SKOR2: variants seen among roughly 807,000 people sequenced by gnomAD.
The protein encoded by SKOR2 is SKI family transcriptional corepressor 2, also known as LBX1 corepressor 1-like protein.
A neutral mutation model predicts 69.1 loss-of-function variants in SKOR2; 47 were observed. The ratio of observed to expected loss-of-function variants is 0.68; its 90% CI spans 0.54 to 0.87. The LOEUF is 0.87. SKOR2 is among the 40% of genes least tolerant of loss of function. SKOR2 has a pLI of 0.00. For missense variants in SKOR2, 1,404 were observed against 1,472.2 expected (o/e 0.95, Z 0.76); for synonymous variants, 717 against 672.6 (o/e 1.07, Z -1.02).
Position 47,248,235 on chromosome 18 carries a change from A to AGTCGTCGTC in SKOR2, c.940_948dup (p.Asp314_Asp316dup), listed in dbSNP as rs1042316344. The AGTCGTCGTC allele has an allele frequency of 8.2e-7, 1 of 1,225,676 alleles. No homozygotes were observed. The highest frequency in any genetic ancestry group is 4.4e-5 in the Admixed American group (1 of 22,980). The allele number at this position is 1,225,676 out of a possible 1,614,324, so 75.9% of individuals were successfully genotyped here. On this transcript the variant is annotated inframe_insertion, in exon 2 of 9. Coordinates refer to ENST00000425639, the MANE Select transcript of SKOR2 (RefSeq NM_001278063.4). The surrounding 1 kb of genome is among the most constrained non-coding windows in gnomAD (Gnocchi z 6.4). ...GCCACTACGGCGGCCTCCTGCAAGGAGTCGTCGTCGTCGTCGAAGCGCGGC... is the reference window on the plus strand; with the variant it reads ...GCCACTACGGCGGCCTCCTGCAAGGAGTCGTCGTCGTCGTCGTCGTCGTCGAAGCGCGGC...
chr18:47,224,591 G>C (rs750755308), intron 6 of SKOR2, among the ~76,000 whole-genome samples: 4 of 150,694 alleles, frequency 2.7e-5, no homozygotes, highest in Non-Finnish European at 1.5e-5. Context: ...TCTTCATTTT[G>C]TTATCTCTAT....
At chr18:47,217,051 AT>A (rs768106147) in intron 7 of SKOR2, among the ~76,000 whole-genome samples, 2 of 152,198 alleles carry the variant, frequency 1.3e-5, no homozygotes, top group Non-Finnish European at 2.9e-5. Context: ...TGAATAAGGA[AT>A]TAGACACATT....
intron 4 of SKOR2, among the ~76,000 whole-genome samples, chr18:47,244,679 T>C (rs2064263344): frequency 2.6e-5 from 4 of 152,234 alleles, no homozygotes; most frequent in South Asian, 2.1e-4. Context: ...GCCTGTTTCA[T>C]TGTGTAACCT....
At position 47,247,426 on chromosome 18, in the gene SKOR2, C is replaced by T. The variant is rs1268938957; in HGVS notation, c.1758G>A (p.Gly586=). The change falls in exon 2 of 9, where the codon GGG becomes GGA. Residue 586 remains glycine (G), a synonymous_variant. Transcript: ENST00000425639. This position sits in a 1 kb window ranked among gnomAD's most constrained non-coding sequence, Gnocchi z 6.6. ...PADSVAAAGA[G]AAAAGSGPAG... ...CGGGGCCAGACCCGGCGGCCGCGGCCCCTGCCCCGGCAGCTGCCACAGAGT... is the reference window on the plus strand; with the variant it reads ...CGGGGCCAGACCCGGCGGCCGCGGCTCCTGCCCCGGCAGCTGCCACAGAGT... 1 of 1,287,394 alleles carries T rather than the reference C, an allele frequency of 7.8e-7. No individual in the cohort carries two copies. Among genetic ancestry groups the T allele is most frequent in the East Asian group, 3.2e-5 (1 of 31,474 alleles). The allele number at this position is 1,287,394 out of a possible 1,614,324, so 79.7% of individuals were successfully genotyped here.
At position 47,248,518 on chromosome 18, in the gene SKOR2, G is replaced by C; in HGVS notation, c.666C>G (p.Asp222Glu). The change falls in exon 2 of 9, where the codon GAC becomes GAG. Residue 222 changes from aspartate to glutamate, a missense_variant. This residue lies in a region of SKOR2 where 1,266 missense variants were observed against 1,309.9 expected (regional missense o/e 0.97). Coordinates refer to ENST00000425639, the MANE Select transcript of SKOR2 (RefSeq NM_001278063.4). This position sits in a 1 kb window ranked among gnomAD's most constrained non-coding sequence, Gnocchi z 6.4. ...HLKLTDKSPQ[D>E]ELVFAWEDVK... ...CGTCCTCCCAGGCGAAGACCAGCTC[G>C]TCCTGGGGACTCTTGTCGGTGAGCT... 1 of 1,536,974 alleles carries C rather than the reference G, an allele frequency of 6.5e-7. No individual in the cohort carries two copies. The highest frequency in any genetic ancestry group is 2.4e-5 in the East Asian group (1 of 40,896).
intron 7 of SKOR2, among the ~76,000 whole-genome samples, chr18:47,218,440 A>T (rs762247147): frequency 9.2e-5 from 14 of 151,946 alleles, no homozygotes; most frequent in Admixed American, 1.3e-4. Flanking sequence ...AAATTAAAAA[A>T]TTAATCGGGT....
intron 8 of SKOR2, among the ~76,000 whole-genome samples, chr18:47,211,662 C>G (rs1205677758): frequency 6.6e-6 from 1 of 152,156 alleles, no homozygotes; most frequent in East Asian, 1.9e-4. Flanking sequence ...CCCAGTTGTT[C>G]ATATTACCAC....
rs993823534 is a variant in SKOR2 at position 47,248,388 on chromosome 18, C to T, written c.796G>A (p.Ala266Thr). 26 of 1,250,570 alleles carry T rather than the reference C, an allele frequency of 2.1e-5. No individual in the cohort carries two copies. Among genetic ancestry groups the T allele is most frequent in the Middle Eastern group, 2.5e-4 (1 of 3,970 alleles). 77.5% of individuals were successfully genotyped at this position (1,250,570 alleles called of 1,614,324 possible). A position where few individuals can be genotyped will look rare whatever the true frequency, so the allele number is the denominator to read the frequency against. The change falls in exon 2 of 9, where the codon GCC becomes ACC. Residue 266 changes from alanine (A) to threonine (T), a missense_variant. Coordinates refer to ENST00000425639, the MANE Select transcript of SKOR2 (RefSeq NM_001278063.4). This position sits in a 1 kb window ranked among gnomAD's most constrained non-coding sequence, Gnocchi z 6.4. ...LSSVKAAAVA[A>T]AAAVAGGGGL... ...CCGCCTCCGGCCACCGCGGCCGCGG[C>T]GGCCACGGCGGCCGCCTTCACAGAG...
At chr18:47,235,792 A>C (rs868134040) in intron 4 of SKOR2, among the ~76,000 whole-genome samples, 2 of 150,964 alleles carry the variant, frequency 1.3e-5, no homozygotes, top group African/African-American at 4.9e-5. Flanking sequence ...AAAAAAAAAA[A>C]AAAAAAAAAC....
In SKOR2 at chr18:47,234,752, T is replaced by C. The variant is rs549690974; in HGVS notation, c.2753-3752A>G. ...GGCAGGCACCTGTAATCCCAGCTAC[T>C]TGGGAGGCTGAGGTAGGAGAATCGC... On this transcript the variant is annotated intron_variant, in intron 4 of 8. Transcript: ENST00000425639. Among the ~76,000 whole-genome samples, 19 of 151,288 alleles carry C rather than the reference T, an allele frequency of 1.3e-4. No individual in the cohort carries two copies. In the South Asian group the frequency reaches 4.0e-3, roughly 32 times the overall value.
intron 4 of SKOR2, among the ~76,000 whole-genome samples, chr18:47,233,219 C>G (rs1440091397): frequency 6.6e-6 from 1 of 152,190 alleles, no homozygotes; most frequent in Non-Finnish European, 1.5e-5. Context: ...TAGCCTCATT[C>G]TCATTCTCAT....
intron 6 of SKOR2, among the ~76,000 whole-genome samples, chr18:47,223,889 A>G (rs1372420944): frequency 7.1e-6 from 1 of 141,502 alleles, no homozygotes; most frequent in African/African-American, 2.7e-5. Flanking sequence ...AAAATCTAAA[A>G]TTTTTTCTAT....
chr18:47,211,974 G>C (rs2064129157), intron 8 of SKOR2, 112 bp downstream of exon 8: 1 of 999,126 alleles, frequency 1.0e-6, no homozygotes, highest in Admixed American at 4.3e-5. Context: ...CTCAAACACA[G>C]GATGCAACTT....
intron 6 of SKOR2, among the ~76,000 whole-genome samples, chr18:47,223,773 G>A (rs1005672421): frequency 1.3e-5 from 2 of 152,048 alleles, no homozygotes; most frequent in Admixed American, 6.6e-5. Context: ...AAGATTATGG[G>A]TGATTTTTGT....
intron 8 of SKOR2, among the ~76,000 whole-genome samples, chr18:47,208,440 TG>T (rs2064119059): frequency 6.6e-6 from 1 of 152,234 alleles, no homozygotes; most frequent in Non-Finnish European, 1.5e-5. Context: ...TGCATGACTA[TG>T]AATGAGACAT....
rs189614084 is a variant in SKOR2 at position 47,249,522 on chromosome 18, A to G, written c.-47-292T>C. On this transcript the variant is annotated intron_variant, in intron 1 of 8. Coordinates refer to ENST00000425639, the MANE Select transcript of SKOR2 (RefSeq NM_001278063.4). Reference sequence around the variant, plus strand: ...AAACCTAAGACCTTATCCCGGATTTATAGGAGCCGTTGGAATAAAATGGCT... The same window carrying G: ...AAACCTAAGACCTTATCCCGGATTTGTAGGAGCCGTTGGAATAAAATGGCT... 1.1e-3 allele frequency among the ~76,000 whole-genome samples: 161 copies of G among 152,360 alleles called. 2 individuals are homozygous for G. Among genetic ancestry groups the G allele is most frequent in the African/African-American group, 3.6e-3 (150 of 41,588 alleles).
chr18:47,248,386 G>A lies in SKOR2; in HGVS notation c.798C>T (p.Ala266=), dbSNP rs1172364645. The change falls in exon 2 of 9, where the codon GCC becomes GCT. Residue 266 remains alanine (A), a synonymous_variant. Transcript: ENST00000425639. The surrounding 1 kb of genome is among the most constrained non-coding windows in gnomAD (Gnocchi z 6.4). ...LSSVKAAAVA[A]AAAVAGGGGL... ...CCCCGCCTCCGGCCACCGCGGCCGC[G>A]GCGGCCACGGCGGCCGCCTTCACAG... 7.6e-7 allele frequency: 1 copy of A among 1,307,258 alleles called. No individual in the cohort carries two copies. The allele number at this position is 1,307,258 out of a possible 1,614,324, so 81.0% of individuals were successfully genotyped here.
At chr18:47,227,491 A>G (rs547115437) in intron 6 of SKOR2, among the ~76,000 whole-genome samples, 1 of 151,914 alleles carries the variant, frequency 6.6e-6, no homozygotes, top group South Asian at 2.1e-4. Flanking sequence ...CCACCACACC[A>G]GCTAATTTTT....
Position 47,248,609 on chromosome 18 carries a change from C to A in SKOR2, c.575G>T (p.Arg192Leu). ...SPNKFIFHSH[R>L]TPDAKYTQPD... Reference sequence around the variant, plus strand: ...CTGAGTGTACTTGGCGTCGGGCGTGCGGTGGGAGTGGAAAATGAACTTGTT... The same window carrying A: ...CTGAGTGTACTTGGCGTCGGGCGTGAGGTGGGAGTGGAAAATGAACTTGTT... The change falls in exon 2 of 9, where the codon CGC becomes CTC. Residue 192 changes from arginine (R) to leucine (L), a missense_variant. Physicochemically the swap from Arg to Leu is moderately radical, Grantham distance 102. Transcript: ENST00000425639. The surrounding 1 kb of genome is among the most constrained non-coding windows in gnomAD (Gnocchi z 6.4). 6.5e-7 allele frequency: 1 copy of A among 1,545,012 alleles called. No homozygotes were observed. The highest frequency in any genetic ancestry group is 2.4e-5 in the East Asian group (1 of 41,484).
Sources: gnomAD v4.1 joint callset for allele counts (sites outside exome capture counted in the v4.1 genomes callset) on GRCh38, gnomAD v4.1.1 for gene constraint, gnomAD v4.1.1 regional missense constraint, Gnocchi (gnomAD v3.1) non-coding constraint, MANE v1.5 for transcripts, NCBI Gene and HGNC (gene_info 2026-07-23, HGNC 2026-07-21) for gene names.